Variants in TBC1D31 observed in about 807,000 individuals in gnomAD.
TBC1D31 encodes WD repeat domain 67.
Under a neutral mutation model 132.9 loss-of-function variants are expected in TBC1D31, and 99 were observed. The ratio of observed to expected loss-of-function variants is 0.74; its 90% CI spans 0.63 to 0.88. TBC1D31 has a LOEUF of 0.88. TBC1D31 is among the 40% of genes least tolerant of loss of function. The pLI is 0.00. For missense variants in TBC1D31, 1,134 were observed against 1,256.6 expected (o/e 0.90, Z 1.48); for synonymous variants, 385 against 419.4 (o/e 0.92, Z 1.00).
At chr8:123,118,679 T>A (rs1436932494) in intron 10 of TBC1D31, among the ~76,000 whole-genome samples, 2 of 151,076 alleles carry the variant, frequency 1.3e-5, no homozygotes, top group East Asian at 3.9e-4. Flanking sequence ...AAAAAAAAAA[T>A]GGATAAACAA....
intron 1 of TBC1D31, among the ~76,000 whole-genome samples, chr8:123,075,386 G>T (rs1172460534): frequency 6.6e-6 from 1 of 152,134 alleles, no homozygotes; most frequent in Non-Finnish European, 1.5e-5. Flanking sequence ...AAATTATAAT[G>T]AAGATAGATG....
At chr8:123,159,408 A>C in the TBC1D31 span, among the ~76,000 whole-genome samples, 1 of 152,204 alleles carries the variant, frequency 6.6e-6, no homozygotes, top group Non-Finnish European at 1.5e-5. Context: ...ACATGAAATG[A>C]GCGAAGAACA....
At chr8:123,162,918 C>T in the TBC1D31 span, among the ~76,000 whole-genome samples, 42 of 152,118 alleles carry the variant, frequency 2.8e-4, no homozygotes, top group East Asian at 6.6e-3. Context: ...CTGCAACTTC[C>T]GCCTCCCAGA....
At chr8:123,145,111 G>A (rs1822065067) in intron 20 of TBC1D31, among the ~76,000 whole-genome samples, 1 of 152,116 alleles carries the variant, frequency 6.6e-6, no homozygotes, top group Non-Finnish European at 1.5e-5. Flanking sequence ...TATTTGTAGA[G>A]ATGAGATCTC....
At chr8:123,128,904 A>G (rs1820359570) in intron 14 of TBC1D31, among the ~76,000 whole-genome samples, 162 bp from the exon 15 acceptor site, 1 of 152,072 alleles carries the variant, frequency 6.6e-6, no homozygotes, top group African/African-American at 2.4e-5. Flanking sequence ...TTAAATTATG[A>G]GTATTTGTGT....
chr8:123,092,376 C>T (rs945109028), intron 4 of TBC1D31, among the ~76,000 whole-genome samples: 4 of 152,086 alleles, frequency 2.6e-5, no homozygotes, highest in African/African-American at 9.7e-5. Context: ...AGGCTGTTGA[C>T]ACATATCATA....
chr8:123,081,589 A>G (rs1213685079), intron 2 of TBC1D31, among the ~76,000 whole-genome samples: 1 of 152,256 alleles, frequency 6.6e-6, no homozygotes, highest in Non-Finnish European at 1.5e-5. Flanking sequence ...TTGAGTTCAT[A>G]AAGTATATTA....
intron 4 of TBC1D31, among the ~76,000 whole-genome samples, chr8:123,089,808 C>T (rs1382830058): frequency 5.3e-5 from 8 of 152,236 alleles, no homozygotes; most frequent in East Asian, 3.8e-4. Flanking sequence ...TGGCAAAATG[C>T]GATCTGACCT....
chr8:123,099,381 A>T (rs1817146434), intron 6 of TBC1D31, among the ~76,000 whole-genome samples: 1 of 152,068 alleles, frequency 6.6e-6, no homozygotes, highest in Non-Finnish European at 1.5e-5. Flanking sequence ...CGGCCTCCCA[A>T]AGTGCTGGGA....
At chr8:123,082,164 A>AT (rs1815230027) in intron 2 of TBC1D31, among the ~76,000 whole-genome samples, 2 of 152,114 alleles carry the variant, frequency 1.3e-5, no homozygotes, top group South Asian at 2.1e-4. Context: ...CAAAAGCTTA[A>AT]TTTTTTGTAA....
downstream of TBC1D31, among the ~76,000 whole-genome samples, chr8:123,152,354 AC>A (rs1034596413): frequency 5.9e-5 from 9 of 151,648 alleles, no homozygotes; most frequent in Admixed American, 5.9e-4. Context: ...CTTCCTGCCC[AC>A]CCCCGCCTCT....
At chr8:123,120,858 T>C (rs975084475) in intron 11 of TBC1D31, among the ~76,000 whole-genome samples, 6 of 152,106 alleles carry the variant, frequency 3.9e-5, no homozygotes, top group African/African-American at 1.4e-4. Flanking sequence ...TTCCCTTATT[T>C]TTATAAATTA....
intron 14 of TBC1D31, 84 bp downstream of exon 14, chr8:123,128,597 C>A: frequency 1.8e-6 from 2 of 1,133,982 alleles, no homozygotes; most frequent in South Asian, 1.5e-5. Context: ...ATACATTTGG[C>A]TGAGCGCGGT....
intron 17 of TBC1D31, among the ~76,000 whole-genome samples, chr8:123,139,118 G>GTTTT (rs35012698): frequency 6.5e-5 from 9 of 139,450 alleles, no homozygotes; most frequent in African/African-American, 1.6e-4. Context: ...CATATTTCTT[G>GTTTT]TTTTTTTTTT....
chr8:123,148,000 A>G lies in TBC1D31; in HGVS notation c.2975-2036A>G, dbSNP rs545286004. 3.9e-5 allele frequency among the ~76,000 whole-genome samples: 6 copies of G among 151,994 alleles called. No homozygotes were observed. The South Asian group carries it at 8.3e-4, about 21-fold the overall frequency. On this transcript the variant is annotated intron_variant, in intron 20 of 21. Coordinates refer to ENST00000287380, the MANE Select transcript of TBC1D31 (RefSeq NM_145647.4). ...AAATTAGCCAGGCGTGGTGGTACAC[A>G]CCTGTAATCGCAGCTACTCAGGAGG...
chr8:123,108,171 G>A (rs538784323), intron 8 of TBC1D31, among the ~76,000 whole-genome samples: 3 of 152,092 alleles, frequency 2.0e-5, no homozygotes, highest in Non-Finnish European at 4.4e-5. Flanking sequence ...GTCTGGCTTC[G>A]AGTCTTGAGC....
chr8:123,079,632 A>G (rs1814930470), intron 2 of TBC1D31, among the ~76,000 whole-genome samples: 1 of 152,178 alleles, frequency 6.6e-6, no homozygotes, highest in Non-Finnish European at 1.5e-5. Context: ...GACTCTTTGC[A>G]CTTCATTTGC....
At chr8:123,078,976 C>T (rs1465570898) in intron 2 of TBC1D31, among the ~76,000 whole-genome samples, 2 of 152,132 alleles carry the variant, frequency 1.3e-5, no homozygotes, top group East Asian at 1.9e-4. Flanking sequence ...TTGTGTGCCA[C>T]CTGATAGGAT....
the TBC1D31 span, among the ~76,000 whole-genome samples, chr8:123,157,162 C>T: frequency 6.6e-6 from 1 of 152,178 alleles, no homozygotes; most frequent in Non-Finnish European, 1.5e-5. Context: ...TGTTGTCACC[C>T]CCGGACTTTG....
Sources: gnomAD v4.1 joint callset for allele counts (sites outside exome capture counted in the v4.1 genomes callset) on GRCh38, gnomAD v4.1.1 for gene constraint, MANE v1.5 for transcripts, NCBI Gene and HGNC (gene_info 2026-07-23, HGNC 2026-07-21) for gene names.